SEMA3E: variants seen among roughly 807,000 people sequenced by gnomAD.
The protein encoded by SEMA3E is semaphorin 3E.
In SEMA3E, 49 loss-of-function variants were observed where a neutral mutation model predicts 93.6. The observed-to-expected ratio is 0.52, with a 90% CI of 0.42 to 0.66. The LOEUF (loss-of-function observed/expected upper bound fraction) is 0.66, where lower values mean the gene tolerates loss of function less well. Among genes scored for constraint, SEMA3E ranks in the 30% least tolerant of loss-of-function variants. SEMA3E has a pLI of 0.00. For missense variants in SEMA3E, 906 were observed against 964.8 expected (o/e 0.94, Z 0.81); for synonymous variants, 363 against 330.7 (o/e 1.10, Z -1.06).
chr7:83,426,623 C>T (rs1275222496), intron 4 of SEMA3E, among the ~76,000 whole-genome samples: 1 of 152,074 alleles, frequency 6.6e-6, no homozygotes, highest in Non-Finnish European at 1.5e-5. Flanking sequence ...AACCCCAGTA[C>T]ATATACACAT....
At chr7:83,516,171 T>G (rs1311056927) in intron 1 of SEMA3E, among the ~76,000 whole-genome samples, 1 of 152,190 alleles carries the variant, frequency 6.6e-6, no homozygotes, top group Non-Finnish European at 1.5e-5. Context: ...CTTTTCTACT[T>G]AGTTTTATTC....
At chr7:83,411,952 T>G (rs1186071589) in intron 5 of SEMA3E, among the ~76,000 whole-genome samples, 1 of 152,172 alleles carries the variant, frequency 6.6e-6, no homozygotes, top group African/African-American at 2.4e-5. Flanking sequence ...GAAAGAATAG[T>G]AGAAATAGTT....
At chr7:83,452,419 G>T (rs753656280) in intron 4 of SEMA3E, among the ~76,000 whole-genome samples, 2 of 152,032 alleles carry the variant, frequency 1.3e-5, no homozygotes, top group Non-Finnish European at 2.9e-5. Flanking sequence ...TGCCTCTCCC[G>T]CTCCCTCATT....
intron 4 of SEMA3E, 83 bp downstream of exon 4, chr7:83,466,399 G>T: frequency 6.7e-7 from 1 of 1,487,738 alleles, no homozygotes; most frequent in Middle Eastern, 1.7e-4. Flanking sequence ...ATCTTTCTTG[G>T]GAAGAAATGC....
At chr7:83,387,727 A>G (rs957224330) in intron 14 of SEMA3E, among the ~76,000 whole-genome samples, 5 of 150,800 alleles carry the variant, frequency 3.3e-5, no homozygotes, top group Admixed American at 6.7e-5. Context: ...AATTAGAGTC[A>G]TTTCTAGTAT....
At chr7:83,397,107 A>T (rs1448326256) in intron 11 of SEMA3E, among the ~76,000 whole-genome samples, 1 of 152,004 alleles carries the variant, frequency 6.6e-6, no homozygotes, top group Middle Eastern at 3.2e-3. Context: ...TAGCGACTAT[A>T]AATTCAAATA....
intron 1 of SEMA3E, among the ~76,000 whole-genome samples, chr7:83,572,770 C>T (rs771327342): frequency 4.6e-5 from 7 of 151,960 alleles, no homozygotes; most frequent in African/African-American, 1.7e-4. Flanking sequence ...AAATAAGCAA[C>T]GGGGAAAGGA....
In SEMA3E at chr7:83,461,887, C is replaced by T. The variant is rs377476057; in HGVS notation, c.456+4595G>A. On this transcript the variant is annotated intron_variant, in intron 4 of 16. Transcript: ENST00000643230. ...CACAAGAACTTCCAAACGCCTGAACCGCAGCAGCCAGGCGTTCCTCCAGAA... is the reference window on the plus strand; with the variant it reads ...CACAAGAACTTCCAAACGCCTGAACTGCAGCAGCCAGGCGTTCCTCCAGAA... 1.1e-4 allele frequency among the ~76,000 whole-genome samples: 16 copies of T among 152,274 alleles called. No individual in the cohort carries two copies. In the East Asian group the frequency reaches 1.6e-3, roughly 15 times the overall value.
At chr7:83,377,130 G>C (rs1390568025) in intron 16 of SEMA3E, among the ~76,000 whole-genome samples, 1 of 151,988 alleles carries the variant, frequency 6.6e-6, no homozygotes, top group East Asian at 1.9e-4. Context: ...GATTTTGTCA[G>C]CAAATGACTG....
rs111245999 is a variant in SEMA3E at position 83,581,230 on chromosome 7, T to G, written c.115+67198A>C. Among the ~76,000 whole-genome samples, 1,202 of 152,110 alleles carry G rather than the reference T, an allele frequency of 7.9e-3. 18 individuals carry two copies. Among genetic ancestry groups the G allele is most frequent in the African/African-American group, 0.027 (1,120 of 41,550 alleles). ...TTTAAAAATAAAACTCAACACGTAT[T>G]TACCAAATACCTGCCCTTTGTGTAT... On this transcript the variant is annotated intron_variant, in intron 1 of 16. Transcript: ENST00000643230.
intron 1 of SEMA3E, among the ~76,000 whole-genome samples, chr7:83,547,053 T>C (rs1791666269): frequency 6.6e-6 from 1 of 152,134 alleles, no homozygotes; most frequent in Non-Finnish European, 1.5e-5. Context: ...AAGCTGTCTT[T>C]CCTAAAATGT....
chr7:83,438,857 G>C (rs1468048648), intron 4 of SEMA3E, among the ~76,000 whole-genome samples: 1 of 151,970 alleles, frequency 6.6e-6, no homozygotes, highest in African/African-American at 2.4e-5. Context: ...GAAGGATGGA[G>C]GTAATTATTT....
chr7:83,421,123 AT>A (rs1788663051), intron 4 of SEMA3E, among the ~76,000 whole-genome samples: 1 of 142,462 alleles, frequency 7.0e-6, no homozygotes, highest in African/African-American at 2.5e-5. Context: ...AGTATTACTG[AT>A]TTTTTTAATA....
At chr7:83,453,240 G>C (rs1284208920) in intron 4 of SEMA3E, among the ~76,000 whole-genome samples, 4 of 152,124 alleles carry the variant, frequency 2.6e-5, no homozygotes, top group African/African-American at 9.6e-5. Context: ...ACATTGGCGA[G>C]GCTGGTCTTG....
rs551268564 is a variant in SEMA3E, at chr7:83,601,739, G to A, written c.115+46689C>T. Among the ~76,000 whole-genome samples, 10 of 152,292 alleles carry A rather than the reference G, an allele frequency of 6.6e-5. No homozygotes were observed. The East Asian group carries it at 1.7e-3, about 27-fold the overall frequency. On this transcript the variant is annotated intron_variant, in intron 1 of 16. Coordinates refer to ENST00000643230, the MANE Select transcript of SEMA3E (RefSeq NM_012431.3). ...TATAGAGAGAAAAGCAAAGGTAAGA[G>A]ACTGAGGGAGTCTCCTTCCTGAGAT...
intron 13 of SEMA3E, 129 bp downstream of exon 13, chr7:83,394,168 A>C: frequency 4.9e-6 from 5 of 1,021,652 alleles, no homozygotes; most frequent in Non-Finnish European, 7.1e-6. Flanking sequence ...AAATAAAGTA[A>C]TAAAAGAAAA....
At chr7:83,578,147 T>TA (rs35666333) in intron 1 of SEMA3E, among the ~76,000 whole-genome samples, 35,723 of 150,458 alleles carry the variant, frequency 0.24, 4,196 homozygotes, top group Middle Eastern at 0.29. Flanking sequence ...GTTTTCTCAT[T>TA]AAAAAAAAAC....
chr7:83,598,008 G>C (rs772984500), intron 1 of SEMA3E, among the ~76,000 whole-genome samples: 2 of 152,318 alleles, frequency 1.3e-5, no homozygotes, highest in Admixed American at 6.5e-5. Flanking sequence ...AAAAGGAAGA[G>C]AAATATTTCG....
chr7:83,521,847 A>G (rs1340653437), intron 1 of SEMA3E, among the ~76,000 whole-genome samples: 1 of 152,084 alleles, frequency 6.6e-6, no homozygotes, highest in Non-Finnish European at 1.5e-5. Context: ...CTTACTCCAA[A>G]TATAGTGGCT....
Sources: gnomAD v4.1 joint callset for allele counts (sites outside exome capture counted in the v4.1 genomes callset) on GRCh38, gnomAD v4.1.1 for gene constraint, MANE v1.5 for transcripts, NCBI Gene and HGNC (gene_info 2026-07-23, HGNC 2026-07-21) for gene names.